The following NPAS3 variants were observed in gnomAD, a reference collection of about 807,000 sequenced individuals.
The protein encoded by NPAS3 is neuronal PAS domain-containing protein 3.
A neutral mutation model predicts 73.1 loss-of-function variants in NPAS3; 14 were observed. The ratio of observed to expected loss-of-function variants is 0.19; its 90% CI spans 0.13 to 0.30. The LOEUF (loss-of-function observed/expected upper bound fraction) is 0.30, where lower values mean the gene tolerates loss of function less well. NPAS3 is among the 10% of genes least tolerant of loss of function. The probability of loss-of-function intolerance (pLI) is 1.00; values close to 1 mark genes in which losing one functional copy is unlikely to be tolerated. For synonymous variants in NPAS3, 620 were observed against 541.5 expected (o/e 1.14, Z -2.01); for missense variants, 1,096 against 1,250.0 (o/e 0.88, Z 1.86).
intron 5 of NPAS3, among the ~76,000 whole-genome samples, chr14:33,650,741 C>CCTCTCT (rs10658218): frequency 7.4e-5 from 11 of 148,432 alleles, no homozygotes; most frequent in South Asian, 6.4e-4. Context: ...AAAATCTTTT[C>CCTCTCT]CTCTCTCTCT....
chr14:32,979,405 C>T (rs2037810638), intron 1 of NPAS3, among the ~76,000 whole-genome samples: 1 of 152,100 alleles, frequency 6.6e-6, no homozygotes, highest in Admixed American at 6.6e-5. Context: ...GACACACTAT[C>T]TCATTTAATA....
intron 1 of NPAS3, among the ~76,000 whole-genome samples, chr14:32,979,643 T>C (rs1252088921): frequency 1.3e-5 from 2 of 152,186 alleles, no homozygotes; most frequent in Admixed American, 6.5e-5. Flanking sequence ...AGGGCTGCAA[T>C]ATAGTAGAGT....
chr14:33,665,741 C>A (rs142382407), intron 5 of NPAS3, among the ~76,000 whole-genome samples: 1 of 152,012 alleles, frequency 6.6e-6, no homozygotes, highest in Non-Finnish European at 1.5e-5. Context: ...TAAATTCTTC[C>A]GAATTAAACC....
intron 5 of NPAS3, among the ~76,000 whole-genome samples, chr14:33,571,004 A>G (rs956247708): frequency 6.6e-6 from 1 of 152,224 alleles, no homozygotes; most frequent in African/African-American, 2.4e-5. Flanking sequence ...AGAGAGTGCC[A>G]AGTACGAGTA....
intron 4 of NPAS3, among the ~76,000 whole-genome samples, chr14:33,505,766 T>C (rs936697623): frequency 3.3e-5 from 5 of 151,964 alleles, no homozygotes; most frequent in South Asian, 2.1e-4. Flanking sequence ...GGCAGTTGCA[T>C]TCAAATGCCC....
Position 32,999,404 on chromosome 14 carries a change from G to A in NPAS3, c.51-56501G>A, listed in dbSNP as rs972362282. ...CAGGTGCCTGTAGTCCCAGCTACTC[G>A]GGAGGCTGAGGCAGGAGAATGGTGT... On this transcript the variant is annotated intron_variant, in intron 1 of 11. Coordinates refer to ENST00000356141, the Ensembl canonical transcript of NPAS3. Among the ~76,000 whole-genome samples the A allele has an allele frequency of 3.9e-5, 6 of 151,946 alleles. No individual in the cohort carries two copies. The South Asian group carries it at 8.3e-4, about 21-fold the overall frequency.
At chr14:33,366,402 A>G (rs2045846442) in intron 3 of NPAS3, among the ~76,000 whole-genome samples, 1 of 152,066 alleles carries the variant, frequency 6.6e-6, no homozygotes, top group Non-Finnish European at 1.5e-5. Context: ...CACTTTTGTT[A>G]AGGATTATGA....
At chr14:33,217,917 A>C (rs1197770278) in intron 3 of NPAS3, among the ~76,000 whole-genome samples, 1 of 152,184 alleles carries the variant, frequency 6.6e-6, no homozygotes, top group African/African-American at 2.4e-5. Context: ...ATTACTACAG[A>C]TAATATTTGT....
intron 6 of NPAS3, among the ~76,000 whole-genome samples, chr14:33,725,674 C>G (rs1451179255): frequency 6.6e-6 from 1 of 152,104 alleles, no homozygotes; most frequent in African/African-American, 2.4e-5. Context: ...TTTTCACTTG[C>G]CTCTTAACCC....
At chr14:33,071,413 C>A (rs2041480424) in intron 2 of NPAS3, among the ~76,000 whole-genome samples, 1 of 152,098 alleles carries the variant, frequency 6.6e-6, no homozygotes, top group East Asian at 1.9e-4. Flanking sequence ...AAAACGTTTT[C>A]ATAAGCCAAA....
At chr14:33,732,983 C>T (rs1237568780) in intron 6 of NPAS3, among the ~76,000 whole-genome samples, 1 of 152,196 alleles carries the variant, frequency 6.6e-6, no homozygotes, top group Non-Finnish European at 1.5e-5. Flanking sequence ...ACAATGCCTG[C>T]ATTACCCACC....
rs369338887 is a variant in NPAS3 at position 33,676,252 on chromosome 14, C to G, written c.600C>G (p.Pro200=). ...GCAGTGTCTTTGACTATGTCCACCC[C>G]GGAGATCACGTGGAGATGGCTGAGC... Residue 200 remains proline, a synonymous_variant, in exon 6 of 12, where the codon CCC becomes CCG. Coordinates refer to ENST00000356141, the Ensembl canonical transcript of NPAS3. The G allele has an allele frequency of 1.5e-5, 24 of 1,613,758 alleles. No individual in the cohort carries two copies. In the African/African-American group the frequency reaches 2.8e-4, roughly 19 times the overall value.
In NPAS3 at chr14:33,454,515, A is replaced by T. The variant is rs1229432497; in HGVS notation, c.468+87247A>T. Among the ~76,000 whole-genome samples, 3 of 152,330 alleles carry T rather than the reference A, an allele frequency of 2.0e-5. No homozygotes were observed. The East Asian group carries it at 5.8e-4, about 29-fold the overall frequency. ...TTCTCAGAACAACACCAGGGATGAA[A>T]TGAGTGTTTGATGAGTGTTGGTGGT... On this transcript the variant is annotated intron_variant, in intron 4 of 11. Coordinates refer to ENST00000356141, the Ensembl canonical transcript of NPAS3.
chr14:33,027,301 A>C (rs529777026), intron 1 of NPAS3, among the ~76,000 whole-genome samples: 2 of 152,318 alleles, frequency 1.3e-5, no homozygotes, highest in Non-Finnish European at 2.9e-5. Context: ...ATAGCAAGGC[A>C]GTTCAGAGAA....
intron 5 of NPAS3, among the ~76,000 whole-genome samples, chr14:33,599,206 T>C (rs1204013248): frequency 1.3e-5 from 2 of 152,208 alleles, no homozygotes; most frequent in African/African-American, 2.4e-5. Flanking sequence ...CTGTAAGAAG[T>C]TGAACCGTTT....
At chr14:33,004,575 T>C (rs1292646271) in intron 1 of NPAS3, among the ~76,000 whole-genome samples, 1 of 152,112 alleles carries the variant, frequency 6.6e-6, no homozygotes, top group Non-Finnish European at 1.5e-5. Context: ...TATTGTACAT[T>C]ACTCCAGACT....
intron 9 of NPAS3, among the ~76,000 whole-genome samples, chr14:33,783,070 T>A (rs1305176032): frequency 6.6e-6 from 1 of 152,178 alleles, no homozygotes; most frequent in African/African-American, 2.4e-5. Context: ...CCAGCTCATT[T>A]TTTTCCACAA....
intron 2 of NPAS3, among the ~76,000 whole-genome samples, chr14:33,182,514 A>G (rs10130511): frequency 0.4 from 60,821 of 152,078 alleles, 12,467 homozygotes; most frequent in South Asian, 0.58. Flanking sequence ...AGTAAAATGC[A>G]TGAAAGTATA....
chr14:33,077,872 G>T (rs1034754738), intron 2 of NPAS3, among the ~76,000 whole-genome samples: 1 of 143,920 alleles, frequency 6.9e-6, no homozygotes, highest in Non-Finnish European at 1.5e-5. Flanking sequence ...ATATGACCGG[G>T]TGCAGTGGCT....
Sources: allele counts gnomAD v4.1 joint callset (sites outside exome capture counted in the v4.1 genomes callset), GRCh38; gene constraint gnomAD v4.1.1; transcripts MANE v1.5; gene names NCBI Gene and HGNC (gene_info 2026-07-23, HGNC 2026-07-21).